RCAN2: variants seen among roughly 807,000 people sequenced by gnomAD.
RCAN2 encodes the protein calcipressin-2.
A neutral mutation model predicts 23.6 loss-of-function variants in RCAN2; 9 were observed. That is an observed-to-expected ratio of 0.38 (90% confidence interval 0.23 to 0.67). The LOEUF (loss-of-function observed/expected upper bound fraction) is 0.67, where lower values mean the gene tolerates loss of function less well. Ranked by LOEUF, RCAN2 falls within the 30% of genes least tolerant of loss-of-function variation. The pLI is 0.51. For missense variants in RCAN2, 273 were observed against 302.3 expected, an observed-to-expected ratio of 0.90 and a Z score of 0.72; for synonymous variants, 109 against 115.7, an observed-to-expected ratio of 0.94 and a Z score of 0.37.
At chr6:46,269,082 T>C (rs1489870889) in intron 2 of RCAN2, among the ~76,000 whole-genome samples, 2 of 152,228 alleles carry the variant, frequency 1.3e-5, no homozygotes, top group African/African-American at 4.8e-5. Context: ...TGGGCTCTTA[T>C]TGTGTCTTTG....
In RCAN2 at chr6:46,479,648, C is replaced by T. The variant is rs534046316; in HGVS notation, c.-3+11525G>A. The stretch of plus-strand genomic sequence containing the variant: ...TGTCACCCAGGCTAGAGAGCAGTGG[C>T]GTGAGCTCACTGCAGCCTCTGCCTC... On this transcript the variant is annotated intron_variant, in intron 1 of 4. Transcript: ENST00000371374. Among the ~76,000 whole-genome samples, 89 of 135,734 alleles carry T rather than the reference C, an allele frequency of 6.6e-4. 1 individual carries two copies. The South Asian group carries it at 0.02, about 30-fold the overall frequency. 89.0% of individuals were successfully genotyped at this position (135,734 alleles called of 152,430 possible).
chr6:46,271,472 A>G (rs1044434510), intron 2 of RCAN2, among the ~76,000 whole-genome samples: 3 of 152,218 alleles, frequency 2.0e-5, no homozygotes, highest in African/African-American at 7.2e-5. Context: ...GGAAACATCC[A>G]AAACAATGTT....
intron 2 of RCAN2, among the ~76,000 whole-genome samples, chr6:46,300,669 C>G (rs1472703497): frequency 1.3e-5 from 2 of 151,820 alleles, no homozygotes; most frequent in Non-Finnish European, 2.9e-5. Flanking sequence ...AGCTGAAGTT[C>G]AGAGAAAATA....
intron 1 of RCAN2, among the ~76,000 whole-genome samples, chr6:46,471,893 A>G (rs756314164): frequency 4.0e-5 from 6 of 149,318 alleles, no homozygotes; most frequent in African/African-American, 1.0e-4. Context: ...GTGCGTGCGC[A>G]CACACACACA....
chr6:46,424,846 G>A (rs1766990908), intron 2 of RCAN2, among the ~76,000 whole-genome samples: 1 of 152,138 alleles, frequency 6.6e-6, no homozygotes, highest in Non-Finnish European at 1.5e-5. Context: ...CAATGTCTTA[G>A]ATTTTAATCA....
At chr6:46,292,428 T>G (rs1752910944) in intron 2 of RCAN2, among the ~76,000 whole-genome samples, 1 of 142,618 alleles carries the variant, frequency 7.0e-6, no homozygotes, top group Admixed American at 7.7e-5. Flanking sequence ...GATTTGTTGT[T>G]TTTTTTTTTG....
intron 1 of RCAN2, among the ~76,000 whole-genome samples, chr6:46,483,153 C>A (rs1389537816): frequency 6.6e-6 from 1 of 152,202 alleles, no homozygotes; most frequent in Non-Finnish European, 1.5e-5. Context: ...TAAGTGATCC[C>A]ATCTAGAGAC....
chr6:46,279,101 A>G (rs550181324), intron 2 of RCAN2, among the ~76,000 whole-genome samples: 2,877 of 152,256 alleles, frequency 0.019, 84 homozygotes, highest in African/African-American at 0.062. Context: ...AATAGGTACT[A>G]AATTTTTTTG....
At chr6:46,289,428 T>C (rs1276166524) in intron 2 of RCAN2, among the ~76,000 whole-genome samples, 1 of 152,218 alleles carries the variant, frequency 6.6e-6, no homozygotes, top group Non-Finnish European at 1.5e-5. Flanking sequence ...CCCTATGGAA[T>C]GCCTAAGTAA....
At chr6:46,455,784 G>A (rs1373859968) in intron 2 of RCAN2, among the ~76,000 whole-genome samples, 3 of 151,138 alleles carry the variant, frequency 2.0e-5, no homozygotes, top group Non-Finnish European at 4.4e-5. Context: ...TGAACCCAAG[G>A]AGGTGGAGCT....
chr6:46,227,046 A>G (rs894659905), intron 4 of RCAN2, among the ~76,000 whole-genome samples: 1 of 152,144 alleles, frequency 6.6e-6, no homozygotes, highest in Non-Finnish European at 1.5e-5. Context: ...TGAGATAATC[A>G]TGTGGTTTTT....
intron 2 of RCAN2, among the ~76,000 whole-genome samples, chr6:46,335,488 G>C (rs139610855): frequency 2.6e-5 from 4 of 152,246 alleles, no homozygotes; most frequent in Non-Finnish European, 5.9e-5. Context: ...AAATAACAAA[G>C]GACAATAAAG....
intron 1 of RCAN2, among the ~76,000 whole-genome samples, chr6:46,469,722 C>T (rs1052250949): frequency 2.0e-5 from 3 of 152,184 alleles, no homozygotes; most frequent in Non-Finnish European, 2.9e-5. Flanking sequence ...TGAATGTGTC[C>T]CCTCCTAAAT....
intron 2 of RCAN2, among the ~76,000 whole-genome samples, chr6:46,284,507 G>C (rs1762304824): frequency 6.6e-6 from 1 of 152,212 alleles, no homozygotes; most frequent in Admixed American, 6.5e-5. Context: ...CAATAGACCA[G>C]AATGTGTAGT....
intron 2 of RCAN2, among the ~76,000 whole-genome samples, chr6:46,436,267 C>T (rs1201047755): frequency 6.6e-6 from 1 of 152,236 alleles, no homozygotes; most frequent in Non-Finnish European, 1.5e-5. Context: ...GCCTAGAGTG[C>T]AGTGGCACAA....
At chr6:46,240,350 T>G (rs1311901019) in intron 4 of RCAN2, among the ~76,000 whole-genome samples, 2 of 152,206 alleles carry the variant, frequency 1.3e-5, no homozygotes, top group African/African-American at 4.8e-5. Context: ...TGTACACAGT[T>G]TACCTGTAAA....
intron 2 of RCAN2, among the ~76,000 whole-genome samples, chr6:46,334,598 G>A (rs1476960416): frequency 1.3e-5 from 2 of 152,156 alleles, no homozygotes; most frequent in Admixed American, 1.3e-4. Flanking sequence ...GAAGTCATAG[G>A]GACAATGAAA....
intron 2 of RCAN2, among the ~76,000 whole-genome samples, chr6:46,283,341 G>A (rs1307006857): frequency 6.6e-6 from 1 of 152,164 alleles, no homozygotes; most frequent in African/African-American, 2.4e-5. Flanking sequence ...TACTCAGGAG[G>A]CTGAGGTGGG....
At chr6:46,255,730 CAGG>C (rs967875599) in intron 2 of RCAN2, among the ~76,000 whole-genome samples, 4 of 151,922 alleles carry the variant, frequency 2.6e-5, no homozygotes, top group African/African-American at 9.7e-5. Flanking sequence ...GCGTGAGAAA[CAGG>C]AGGAGTGACC....
Sources: allele counts gnomAD v4.1 joint callset (sites outside exome capture counted in the v4.1 genomes callset), GRCh38; gene constraint gnomAD v4.1.1; transcripts MANE v1.5; gene names NCBI Gene and HGNC (gene_info 2026-07-23, HGNC 2026-07-21).